The following SESTD1 variants were observed in gnomAD, a reference collection of about 807,000 sequenced individuals.
SESTD1 encodes SEC14 domain and spectrin repeat-containing protein 1.
In SESTD1, 43 loss-of-function variants were observed where a neutral mutation model predicts 101.7. The ratio of observed to expected loss-of-function variants is 0.42; its 90% CI spans 0.33 to 0.55. SESTD1 has a LOEUF of 0.55. Ranked by LOEUF, SESTD1 falls within the 20% of genes least tolerant of loss-of-function variation. The pLI, the probability that SESTD1 is intolerant of heterozygous loss-of-function variation, is 0.07. For missense variants in SESTD1, 647 were observed against 815.1 expected (o/e 0.79, Z 2.51); for synonymous variants, 283 against 286.8 (o/e 0.99, Z 0.13).
chr2:179,185,750 T>TATAATATAATATAG (rs1379140313), intron 2 of SESTD1, among the ~76,000 whole-genome samples: 3 of 128,654 alleles, frequency 2.3e-5, no homozygotes, highest in Non-Finnish European at 4.6e-5. Context: ...ATATAGTATA[T>TATAATATAATATAG]TATATACAAT....
At chr2:179,191,696 T>G in intron 2 of SESTD1, 91 bp downstream of exon 2, 1 of 1,013,726 alleles carries the variant, frequency 9.9e-7, no homozygotes, top group East Asian at 2.7e-5. Context: ...AAACTTTCAT[T>G]AAAAAAAAAT....
At chr2:179,135,549 T>G (rs1034125198) in intron 9 of SESTD1, among the ~76,000 whole-genome samples, 2 of 151,578 alleles carry the variant, frequency 1.3e-5, no homozygotes, top group African/African-American at 4.9e-5. Flanking sequence ...AGCTCAGGAG[T>G]TCAAGACCAG....
At chr2:179,255,588 T>C (rs2047382280) in intron 1 of SESTD1, among the ~76,000 whole-genome samples, 1 of 152,196 alleles carries the variant, frequency 6.6e-6, no homozygotes, top group Non-Finnish European at 1.5e-5. Context: ...AGTTGGTTCA[T>C]GAGGTTTAAC....
At chr2:179,147,367 T>G (rs2045418250) in intron 7 of SESTD1, among the ~76,000 whole-genome samples, 1 of 149,418 alleles carries the variant, frequency 6.7e-6, no homozygotes. Flanking sequence ...GTTTTTTTGT[T>G]TTTTTTTTTT....
intron 9 of SESTD1, among the ~76,000 whole-genome samples, chr2:179,133,668 T>TAATA (rs1559105861): frequency 1.3e-5 from 2 of 152,082 alleles, no homozygotes; most frequent in African/African-American, 2.4e-5. Context: ...CTCTGCAGCA[T>TAATA]AATATTATAG....
At chr2:179,171,953 C>T (rs1444753161) in intron 5 of SESTD1, among the ~76,000 whole-genome samples, 167 bp downstream of exon 5, 1 of 152,164 alleles carries the variant, frequency 6.6e-6, no homozygotes, top group Non-Finnish European at 1.5e-5. Context: ...TATCATACTT[C>T]ATTCAGCAAG....
intron 10 of SESTD1, among the ~76,000 whole-genome samples, chr2:179,130,807 T>C (rs1472034703): frequency 6.6e-6 from 1 of 151,902 alleles, no homozygotes; most frequent in African/African-American, 2.4e-5. Flanking sequence ...ACTCTAACTA[T>C]AGTAACATGT....
intron 1 of SESTD1, among the ~76,000 whole-genome samples, chr2:179,242,009 TAAGAA>T (rs2047161568): frequency 6.6e-6 from 1 of 151,702 alleles, no homozygotes; most frequent in Non-Finnish European, 1.5e-5. Flanking sequence ...GGCATATATG[TAAGAA>T]AAGAAGTCAA....
chr2:179,199,347 T>A (rs1002916437), intron 1 of SESTD1, among the ~76,000 whole-genome samples: 4 of 152,094 alleles, frequency 2.6e-5, no homozygotes, highest in African/African-American at 9.7e-5. Flanking sequence ...CAGGACCAGA[T>A]GGATTCACAG....
Position 179,123,704 on chromosome 2 carries a change from A to T in SESTD1, c.1282+11T>A. 1 of 1,592,600 alleles carries T rather than the reference A, an allele frequency of 6.3e-7. No homozygotes were observed. The highest frequency in any genetic ancestry group is 8.6e-7 in the Non-Finnish European group (1 of 1,169,520). ...AAACCTTATGTTTCAGCATTTTTAA[A>T]ATCTGCTTACCAACACTTTTCAGCT... is the stretch of plus-strand genomic sequence containing the variant. On this transcript the variant is annotated intron_variant, in intron 12 of 17. Transcript: ENST00000428443.
chr2:179,252,091 G>A (rs910754671), intron 1 of SESTD1, among the ~76,000 whole-genome samples: 2 of 152,220 alleles, frequency 1.3e-5, no homozygotes, highest in African/African-American at 4.8e-5. Context: ...ATGAGTAACT[G>A]ATAGGCTTAA....
intron 1 of SESTD1, among the ~76,000 whole-genome samples, chr2:179,262,486 T>C (rs564159305): frequency 3.3e-5 from 5 of 152,200 alleles, no homozygotes; most frequent in Admixed American, 6.5e-5. Flanking sequence ...TGCTACTTTT[T>C]ATTAGTAAAT....
chr2:179,238,123 GAACA>G (rs1384797915), intron 1 of SESTD1, among the ~76,000 whole-genome samples: 1 of 152,112 alleles, frequency 6.6e-6, no homozygotes, highest in African/African-American at 2.4e-5. Flanking sequence ...CAAAAGAAGA[GAACA>G]TATATTTACT....
intron 2 of SESTD1, among the ~76,000 whole-genome samples, chr2:179,185,695 G>GTATATTATATACAATATATAATATAT (rs1575469092): frequency 8.3e-6 from 1 of 120,746 alleles, no homozygotes; most frequent in African/African-American, 3.5e-5. Flanking sequence ...ATATAATATA[G>GTATATTATATACAATATATAATATAT]TATATTATAT....
At position 179,234,534 on chromosome 2, in the gene SESTD1, TTG is replaced by T. The variant is rs2047036204; in HGVS notation, c.-26+29963_-26+29964del. Among the ~76,000 whole-genome samples, 3 of 152,112 alleles carry T rather than the reference TTG, an allele frequency of 2.0e-5. No homozygotes were observed. In the East Asian group the frequency reaches 5.8e-4, roughly 29 times the overall value. ...GGCTCACACCTGCAATCCCAGCACT[TTG>T]TGGGGCTGAGGCGGGTAGATCACTT... On this transcript the variant is annotated intron_variant, in intron 1 of 17. Coordinates refer to ENST00000428443, the MANE Select transcript of SESTD1 (RefSeq NM_178123.5).
intron 1 of SESTD1, among the ~76,000 whole-genome samples, chr2:179,252,705 A>G (rs2047336285): frequency 6.6e-6 from 1 of 152,232 alleles, no homozygotes; most frequent in South Asian, 2.1e-4. Flanking sequence ...TGCTGGGTCC[A>G]CTAGAAAAAT....
At chr2:179,151,620 C>A (rs566436275) in intron 5 of SESTD1, among the ~76,000 whole-genome samples, 2 of 152,000 alleles carry the variant, frequency 1.3e-5, no homozygotes, top group African/African-American at 4.8e-5. Context: ...CAACAGGTAC[C>A]AGCAGTTCAG....
chr2:179,261,794 A>G (rs2047487182), intron 1 of SESTD1, among the ~76,000 whole-genome samples: 1 of 152,168 alleles, frequency 6.6e-6, no homozygotes, highest in Admixed American at 6.5e-5. Context: ...ACAGTGCAGC[A>G]GCTATGGAAA....
intron 5 of SESTD1, among the ~76,000 whole-genome samples, chr2:179,153,048 G>T (rs1413335629): frequency 6.6e-6 from 1 of 152,076 alleles, no homozygotes; most frequent in Non-Finnish European, 1.5e-5. Flanking sequence ...ATAAATAATG[G>T]TAACAACATA....
Sources: gnomAD v4.1 joint callset for allele counts (sites outside exome capture counted in the v4.1 genomes callset) on GRCh38, gnomAD v4.1.1 for gene constraint, MANE v1.5 for transcripts, NCBI Gene and HGNC (gene_info 2026-07-23, HGNC 2026-07-21) for gene names.